The following MYOF variants were observed in gnomAD, a reference collection of about 807,000 sequenced individuals.
MYOF encodes the protein myoferlin.
In MYOF, 244 loss-of-function variants were observed where a neutral mutation model predicts 284.2. The observed-to-expected ratio is 0.86, with a 90% CI of 0.77 to 0.95. MYOF has a LOEUF of 0.95. Ranked by LOEUF, MYOF falls within the 40% of genes least tolerant of loss-of-function variation. The probability of loss-of-function intolerance (pLI) is 0.00; values close to 1 mark genes in which losing one functional copy is unlikely to be tolerated. For synonymous variants in MYOF, 904 were observed against 919.7 expected (o/e 0.98, Z 0.31); for missense variants, 2,496 against 2,560.6 (o/e 0.97, Z 0.54).
At chr10:93,461,401 A>G (rs1167228239) in intron 1 of MYOF, among the ~76,000 whole-genome samples, 3 of 152,172 alleles carry the variant, frequency 2.0e-5, no homozygotes, top group Non-Finnish European at 4.4e-5. Context: ...TCTAGTGGGG[A>G]GAGGAAATGT....
chr10:93,424,115 C>T (rs1013658506), intron 5 of MYOF, among the ~76,000 whole-genome samples: 2 of 152,194 alleles, frequency 1.3e-5, no homozygotes, highest in African/African-American at 4.8e-5. Flanking sequence ...ATTTCCAGAA[C>T]TGCGAGAGAA....
intron 35 of MYOF, 94 bp downstream of exon 35, chr10:93,351,103 A>T (rs1198174095): frequency 1.2e-5 from 16 of 1,352,274 alleles, no homozygotes; most frequent in Non-Finnish European, 1.0e-6. Flanking sequence ...ATAGCAAGAA[A>T]ATATGCAGCA....
At chr10:93,377,240 C>T (rs982328517) in intron 22 of MYOF, 83 bp downstream of exon 22, 2 of 1,017,310 alleles carry the variant, frequency 2.0e-6, no homozygotes, top group African/African-American at 1.6e-5. Flanking sequence ...ACACTAGAAA[C>T]AATTCCACAG....
intron 5 of MYOF, among the ~76,000 whole-genome samples, chr10:93,418,564 G>T (rs531043691): frequency 6.6e-6 from 1 of 152,130 alleles, no homozygotes; most frequent in Non-Finnish European, 1.5e-5. Context: ...TGAGGAATCA[G>T]GCTGTGAGCC....
At position 93,310,656 on chromosome 10, in the gene MYOF, A is replaced by G; in HGVS notation, c.5890-13T>C. ...TCTCCACTTTCCCCTTCAGTAAAGCAGAGCAGGTTAAACATATGACATCAT... is the reference window on the plus strand; with the variant it reads ...TCTCCACTTTCCCCTTCAGTAAAGCGGAGCAGGTTAAACATATGACATCAT... On this transcript the variant is annotated splice_polypyrimidine_tract_variant and intron_variant, in intron 51 of 53. Coordinates refer to ENST00000359263, the MANE Select transcript of MYOF (RefSeq NM_013451.4). The G allele has an allele frequency of 6.2e-7, 1 of 1,612,416 alleles. No homozygotes were observed. The highest frequency in any genetic ancestry group is 8.5e-7 in the Non-Finnish European group (1 of 1,178,464).
chr10:93,367,331 C>T (rs1190864589), intron 25 of MYOF, among the ~76,000 whole-genome samples: 1 of 152,148 alleles, frequency 6.6e-6, no homozygotes, highest in Non-Finnish European at 1.5e-5. Flanking sequence ...TGGATCCAAA[C>T]TAGAATTTCC....
chr10:93,370,335 T>TTTTTTTTTTTTTCA (rs1331756745), intron 24 of MYOF, among the ~76,000 whole-genome samples: 1 of 129,148 alleles, frequency 7.7e-6, no homozygotes, highest in African/African-American at 2.9e-5. Context: ...TTTTTTTTTT[T>TTTTTTTTTTTTTCA]GAGACAGAGT....
intron 38 of MYOF, 69 bp from the exon 39 acceptor site, chr10:93,340,233 C>T: frequency 6.5e-7 from 1 of 1,547,694 alleles, no homozygotes; most frequent in Non-Finnish European, 8.9e-7. Context: ...ATGGAGACCC[C>T]AGGAACATGA....
At chr10:93,393,127 C>T (rs565572753) in intron 16 of MYOF, among the ~76,000 whole-genome samples, 172 bp from the exon 17 acceptor site, 4 of 152,256 alleles carry the variant, frequency 2.6e-5, no homozygotes, top group East Asian at 3.9e-4. Context: ...CAATTCTCAT[C>T]GGTTAAATGC....
chr10:93,435,961 T>C (rs999772308), intron 3 of MYOF, among the ~76,000 whole-genome samples: 38 of 151,342 alleles, frequency 2.5e-4, no homozygotes, highest in African/African-American at 9.0e-4. Context: ...AAAGTCCTAC[T>C]CTCTAATTTA....
chr10:93,443,496 GTGTGTC>G (rs1419750468), intron 3 of MYOF, among the ~76,000 whole-genome samples: 12 of 151,428 alleles, frequency 7.9e-5, no homozygotes, highest in Admixed American at 5.9e-4. Context: ...GTGTGTGTGT[GTGTGTC>G]TGTGTTTCTC....
chr10:93,475,383 A>G (rs1012550315), intron 1 of MYOF, among the ~76,000 whole-genome samples: 8 of 152,228 alleles, frequency 5.3e-5, no homozygotes, highest in Non-Finnish European at 5.9e-5. Context: ...TTTCCTTGCC[A>G]GGAACAAGAA....
intron 5 of MYOF, among the ~76,000 whole-genome samples, chr10:93,419,173 T>A (rs1848253546): frequency 6.6e-6 from 1 of 151,360 alleles, no homozygotes; most frequent in African/African-American, 2.4e-5. Context: ...CTTCTTTTTA[T>A]TTTTTTTGAG....
At chr10:93,450,907 T>G (rs1053648824) in intron 3 of MYOF, among the ~76,000 whole-genome samples, 1 of 152,166 alleles carries the variant, frequency 6.6e-6, no homozygotes, top group Non-Finnish European at 1.5e-5. Flanking sequence ...AATAACATCT[T>G]GAAATCGAGG....
intron 1 of MYOF, among the ~76,000 whole-genome samples, chr10:93,464,878 C>T (rs2056967084): frequency 6.6e-6 from 1 of 152,198 alleles, no homozygotes. Context: ...ATCTCCCATT[C>T]AGAAGTACTT....
chr10:93,384,430 G>A (rs564464610), intron 19 of MYOF, among the ~76,000 whole-genome samples: 4 of 152,290 alleles, frequency 2.6e-5, no homozygotes, highest in African/African-American at 9.6e-5. Context: ...ATTACCTGAG[G>A]TCAGGAGTTT....
At chr10:93,335,454 T>C (rs1464154212) in intron 41 of MYOF, among the ~76,000 whole-genome samples, 1 of 152,066 alleles carries the variant, frequency 6.6e-6, no homozygotes, top group Non-Finnish European at 1.5e-5. Flanking sequence ...GAGAGGAGTG[T>C]GACGAGAAAG....
intron 3 of MYOF, among the ~76,000 whole-genome samples, chr10:93,451,276 G>T (rs1485967980): frequency 6.6e-6 from 1 of 152,020 alleles, no homozygotes; most frequent in Non-Finnish European, 1.5e-5. Context: ...GGAGGTGAAG[G>T]TTGCAGTGAG....
chr10:93,405,509 G>C (rs912193714), intron 7 of MYOF, among the ~76,000 whole-genome samples: 1 of 152,110 alleles, frequency 6.6e-6, no homozygotes, highest in Admixed American at 6.5e-5. Context: ...GCTCGGGCTG[G>C]TCTTGAACTA....
Sources: gnomAD v4.1 joint callset for allele counts (sites outside exome capture counted in the v4.1 genomes callset) on GRCh38, gnomAD v4.1.1 for gene constraint, MANE v1.5 for transcripts, NCBI Gene and HGNC (gene_info 2026-07-23, HGNC 2026-07-21) for gene names.